Variants in HBS1L observed in about 807,000 individuals in gnomAD.
HBS1L encodes HBS1 like translational GTPase.
In HBS1L, 55 loss-of-function variants were observed where a neutral mutation model predicts 88.9. That is an observed-to-expected ratio of 0.62 (90% confidence interval 0.50 to 0.77). HBS1L has a LOEUF of 0.77. HBS1L is among the 30% of genes least tolerant of loss of function. The pLI is 0.00. For synonymous variants in HBS1L, 267 were observed against 288.5 expected (o/e 0.93, Z 0.76); for missense variants, 741 against 829.3 (o/e 0.89, Z 1.31).
intron 11 of HBS1L, 97 bp downstream of exon 11, chr6:134,985,969 G>A: frequency 3.0e-6 from 2 of 671,788 alleles, no homozygotes; most frequent in Non-Finnish European, 2.6e-6. Context: ...CAAATCCTAT[G>A]CTTTTTCATA....
chr6:135,038,335 TG>T (rs1776622406), intron 4 of HBS1L, among the ~76,000 whole-genome samples: 1 of 151,960 alleles, frequency 6.6e-6, no homozygotes, highest in South Asian at 2.1e-4. Flanking sequence ...ATAATTAAAT[TG>T]TAGTCAGGAT....
In HBS1L at chr6:134,968,479, C is replaced by T. The variant is rs186086584; in HGVS notation, c.1898+759G>A. On this transcript the variant is annotated intron_variant, in intron 16 of 17. Transcript: ENST00000367837. ...GGCCAAGCTGGTCTCAAACTCCAGA[C>T]CTCAGGTGATCTGCCCGCCTTGGCC... Among the ~76,000 whole-genome samples the T allele has an allele frequency of 2.9e-3, 438 of 152,254 alleles. 2 individuals are homozygous for T. Among genetic ancestry groups the T allele is most frequent in the African/African-American group, 9.5e-3 (395 of 41,542 alleles).
At chr6:134,970,323 G>A (rs1774446854) in intron 15 of HBS1L, among the ~76,000 whole-genome samples, 1 of 152,072 alleles carries the variant, frequency 6.6e-6, no homozygotes, top group Non-Finnish European at 1.5e-5. Flanking sequence ...AGTAGATATG[G>A]GGTTTCACCA....
chr6:135,028,180 A>G (rs1401886611), intron 4 of HBS1L, among the ~76,000 whole-genome samples: 2 of 152,160 alleles, frequency 1.3e-5, no homozygotes, highest in Non-Finnish European at 2.9e-5. Context: ...ACCCAAACTT[A>G]CAAAGTAATG....
intron 5 of HBS1L, among the ~76,000 whole-genome samples, chr6:134,999,448 CTT>C (rs35807723): frequency 4.0e-5 from 5 of 124,726 alleles, no homozygotes; most frequent in East Asian, 2.3e-4. Context: ...TTTTTCTTTT[CTT>C]TTTTTTTTTT....
At chr6:134,986,588 GAATAT>G in intron 10 of HBS1L, 143 bp downstream of exon 10, 1 of 471,298 alleles carries the variant, frequency 2.1e-6, no homozygotes. Context: ...ATAATCCAAA[GAATAT>G]ATTATATATA....
intron 4 of HBS1L, among the ~76,000 whole-genome samples, chr6:135,014,739 G>A (rs141601074): frequency 1.1e-3 from 172 of 151,402 alleles, no homozygotes; most frequent in Non-Finnish European, 1.9e-3. Context: ...GATAGAGGCC[G>A]GCTACAGTGG....
intron 7 of HBS1L, among the ~76,000 whole-genome samples, chr6:134,994,633 G>A (rs1002071978): frequency 3.0e-4 from 46 of 152,234 alleles, no homozygotes; most frequent in Middle Eastern, 3.4e-3. Flanking sequence ...CACATAGCCT[G>A]AAGGGAATCT....
At chr6:135,044,371 C>T (rs1055686759) in intron 2 of HBS1L, among the ~76,000 whole-genome samples, 3 of 152,050 alleles carry the variant, frequency 2.0e-5, no homozygotes, top group Non-Finnish European at 4.4e-5. Context: ...TAAGAATGCA[C>T]GTTATGTTGT....
At chr6:135,023,069 T>C (rs1776117864) in intron 4 of HBS1L, among the ~76,000 whole-genome samples, 1 of 151,848 alleles carries the variant, frequency 6.6e-6, no homozygotes, top group Admixed American at 6.6e-5. Context: ...CTTAGGGAAA[T>C]TGTTTATGGC....
At chr6:135,023,889 T>C (rs939110775) in intron 4 of HBS1L, among the ~76,000 whole-genome samples, 21 of 152,328 alleles carry the variant, frequency 1.4e-4, no homozygotes, top group African/African-American at 5.1e-4. Flanking sequence ...CTGTAAAAAA[T>C]GTCCAATTTA....
At chr6:134,987,429 T>C (rs1583076010) in intron 9 of HBS1L, among the ~76,000 whole-genome samples, 2 of 152,150 alleles carry the variant, frequency 1.3e-5, no homozygotes, top group African/African-American at 2.4e-5. Flanking sequence ...TAAAACAATT[T>C]TTAGGTTTTA....
intron 17 of HBS1L, 113 bp from the exon 18 acceptor site, chr6:134,965,403 T>C: frequency 2.7e-6 from 2 of 735,140 alleles, no homozygotes; most frequent in Admixed American, 2.9e-5. Flanking sequence ...AAAATCTTTT[T>C]CTTTGTCCTG....
chr6:135,051,325 C>A (rs947437305), intron 1 of HBS1L, among the ~76,000 whole-genome samples: 1 of 152,022 alleles, frequency 6.6e-6, no homozygotes, highest in Non-Finnish European at 1.5e-5. Flanking sequence ...CCCTCTAAAA[C>A]CAAAGCACTT....
chr6:134,988,808 C>T (rs905951130), intron 8 of HBS1L, among the ~76,000 whole-genome samples: 5 of 152,164 alleles, frequency 3.3e-5, no homozygotes, highest in African/African-American at 4.8e-5. Context: ...ATCAATTCCA[C>T]CTCTAGGGAT....
chr6:134,981,224 A>G (rs1774822385), intron 13 of HBS1L, among the ~76,000 whole-genome samples: 1 of 152,002 alleles, frequency 6.6e-6, no homozygotes, highest in African/African-American at 2.4e-5. Flanking sequence ...TAACATACCA[A>G]AAAAATCGTG....
At chr6:135,048,753 T>C (rs1776989694) in intron 2 of HBS1L, among the ~76,000 whole-genome samples, 1 of 152,228 alleles carries the variant, frequency 6.6e-6, no homozygotes, top group Admixed American at 6.5e-5. Context: ...ACTGGTGCAA[T>C]TTTTATCTCC....
intron 4 of HBS1L, among the ~76,000 whole-genome samples, chr6:135,007,399 A>C (rs573333210): frequency 6.6e-6 from 1 of 152,228 alleles, no homozygotes; most frequent in African/African-American, 2.4e-5. Flanking sequence ...ACACATATAA[A>C]ATTTTGCATG....
At chr6:135,020,406 T>C (rs1776039186) in intron 4 of HBS1L, among the ~76,000 whole-genome samples, 1 of 151,966 alleles carries the variant, frequency 6.6e-6, no homozygotes. Context: ...CATGGATAAA[T>C]GGTATTTTTG....
Sources: allele counts gnomAD v4.1 joint callset (sites outside exome capture counted in the v4.1 genomes callset), GRCh38; gene constraint gnomAD v4.1.1; transcripts MANE v1.5; gene names NCBI Gene and HGNC (gene_info 2026-07-23, HGNC 2026-07-21).